Variants in PODNL1 observed in about 807,000 individuals in gnomAD.
PODNL1 encodes the protein podocan like 1.
In PODNL1, 50 loss-of-function variants were observed where a neutral mutation model predicts 45.1. That is an observed-to-expected ratio of 1.11 (90% CI 0.88 to 1.40). The LOEUF (loss-of-function observed/expected upper bound fraction) is 1.40. Ranked by LOEUF, PODNL1 falls within the 40% of genes most tolerant of loss-of-function variation. The pLI is 0.00. For missense variants in PODNL1, 788 were observed against 793.3 expected (o/e 0.99, Z 0.08); for synonymous variants, 406 against 372.5 (o/e 1.09, Z -1.04).
At chr19:13,937,698 C>G (rs1041039407) in intron 2 of PODNL1, 87 bp downstream of exon 2, 2 of 1,268,922 alleles carry the variant, frequency 1.6e-6, no homozygotes, top group African/African-American at 1.5e-5. Flanking sequence ...TACCCCACCA[C>G]GCTCCTCAGC....
At chr19:13,944,703 G>C (rs1016931073) in intron 1 of PODNL1, among the ~76,000 whole-genome samples, 1 of 151,800 alleles carries the variant, frequency 6.6e-6, no homozygotes, top group Non-Finnish European at 1.5e-5. Flanking sequence ...TGATCCGCCC[G>C]CCTTGGCCTT....
chr19:13,948,383 T>G (rs2145465791), intron 1 of PODNL1, among the ~76,000 whole-genome samples: 2 of 149,174 alleles, frequency 1.3e-5, no homozygotes, highest in South Asian at 2.1e-4. Flanking sequence ...TTTTTTTTTT[T>G]TGTATTTTTA....
rs1421957081 is a variant in PODNL1, at chr19:13,938,016, A to C, written c.4-10T>G. 1 of 1,501,784 alleles carries C rather than the reference A, an allele frequency of 6.7e-7. No individual in the cohort carries two copies. The highest frequency in any genetic ancestry group is 1.4e-5 in the African/African-American group (1 of 72,052). The allele number at this position is 1,501,784 out of a possible 1,614,324, so 93.0% of individuals were successfully genotyped here. Reference sequence around the variant, plus strand: ...GCAGCAGGCTCGGCCACTGCGGGGGAGGGAGGGTCAGCGTGTCTCCAGGCT... The same window carrying C: ...GCAGCAGGCTCGGCCACTGCGGGGGCGGGAGGGTCAGCGTGTCTCCAGGCT... On this transcript the variant is annotated splice_polypyrimidine_tract_variant and intron_variant, in intron 1 of 9. Transcript: ENST00000588872.
In PODNL1 at chr19:13,936,010, C is replaced by T; in HGVS notation, c.354G>A (p.Gln118=). ...TGTGAGCCACGCAGAGGTGCTGCAG[C>T]TGGGTGAGGGACTCGAAGGCCTCGT... is the stretch of plus-strand genomic sequence containing the variant. ...LPDEAFESLT[Q]LQHLCVAHNK... Residue 118 remains glutamine (Q), a synonymous_variant, in exon 4 of 10, where the codon CAG becomes CAA. Transcript: ENST00000588872. 4.5e-6 allele frequency: 7 copies of T among 1,552,996 alleles called. No homozygotes were observed. The highest frequency in any genetic ancestry group is 6.1e-6 in the Non-Finnish European group (7 of 1,149,040).
chr19:13,948,727 A>C (rs1027742023), intron 1 of PODNL1, among the ~76,000 whole-genome samples: 30 of 142,674 alleles, frequency 2.1e-4, no homozygotes, highest in Non-Finnish European at 3.8e-4. Context: ...TCAGGAGATC[A>C]AGACCATCCT....
Position 13,932,925 on chromosome 19 carries a change from T to C in PODNL1, c.1298A>G (p.Gln433Arg). 1 of 1,574,342 alleles carries C rather than the reference T, an allele frequency of 6.4e-7. No individual in the cohort carries two copies. Among genetic ancestry groups the C allele is most frequent in the Non-Finnish European group, 8.6e-7 (1 of 1,162,848 alleles). Residue 433 changes from glutamine (Q) to arginine (R), a missense_variant, in exon 8 of 10, where the codon CAG becomes CGG. Gln to Arg is a conservative substitution (Grantham distance 43, BLOSUM62 1). This residue lies in a region of PODNL1 where 762 missense variants were observed against 750.9 expected (regional missense o/e 1.01). Transcript: ENST00000588872. ...AGGCTCGGGCTCGAGCATCCGCAGC[T>C]GGTTGCGTTGCAGCTGCAGGGTGCG... ...GLRTLQLQRN[Q>R]LRMLEPEPLA... is the part of the protein sequence containing the mutation.
In PODNL1 at chr19:13,938,047, C is replaced by A. The variant is rs1271520799; in HGVS notation, c.4-41G>T. 8.9e-6 allele frequency: 13 copies of A among 1,455,946 alleles called. No homozygotes were observed. In the South Asian group the frequency reaches 1.7e-4, roughly 19 times the overall value. The allele number at this position is 1,455,946 out of a possible 1,614,324, so 90.2% of individuals were successfully genotyped here. On this transcript the variant is annotated intron_variant, in intron 1 of 9. Transcript: ENST00000588872. Reference sequence around the variant, plus strand: ...GGTCAGCGTGTCTCCAGGCTGGGCGCAGGGTCGCCATGGTGACTGGAGCAT... The same window carrying A: ...GGTCAGCGTGTCTCCAGGCTGGGCGAAGGGTCGCCATGGTGACTGGAGCAT...
chr19:13,942,766 G>A (rs976066578), upstream of PODNL1, among the ~76,000 whole-genome samples: 1 of 151,692 alleles, frequency 6.6e-6, no homozygotes, highest in Non-Finnish European at 1.5e-5. Context: ...GGCAGATCAT[G>A]TGAGGTTGGG....
intron 3 of PODNL1, 144 bp from the exon 4 acceptor site, chr19:13,936,188 C>T: frequency 1.1e-6 from 1 of 943,244 alleles, no homozygotes; most frequent in Non-Finnish European, 1.6e-6. Context: ...CCCATCCCTA[C>T]TCAAAAGCCA....
In PODNL1 at chr19:13,933,200, C is replaced by T; in HGVS notation, c.1023G>A (p.Gly341=). The change falls in exon 8 of 10, where the codon GGG becomes GGA. Residue 341 remains glycine (G), a synonymous_variant. Coordinates refer to ENST00000588872, the MANE Select transcript of PODNL1 (RefSeq NM_001370095.3). This position sits in a 1 kb window ranked among gnomAD's most constrained non-coding sequence, Gnocchi z 5.2. ...GCAGGGCTGGAGGCACGCGGTCCAG[C>T]CCATTGCCATAGAGGTGCAGCGTGT... ...GLHTLHLYGN[G]LDRVPPALPR... is the part of the protein sequence containing the mutation. 2.6e-6 allele frequency: 4 copies of T among 1,536,928 alleles called. No individual in the cohort carries two copies. Among genetic ancestry groups the T allele is most frequent in the Non-Finnish European group, 3.5e-6 (4 of 1,146,564 alleles).
chr19:13,931,420 T>G lies in PODNL1; in HGVS notation c.*317A>C. 3.5e-6 allele frequency: 1 copy of G among 287,106 alleles called. No homozygotes were observed. The allele number at this position is 287,106 out of a possible 1,614,324, so 17.8% of individuals were successfully genotyped here. On this transcript the variant is annotated 3_prime_UTR_variant, in exon 10 of 10. Coordinates refer to ENST00000588872, the MANE Select transcript of PODNL1 (RefSeq NM_001370095.3). ...TCAGTTTCCCCAGCTGGACTGGTTG[T>G]GGGGAGGAGTCCGTGGACAGAGCCC...
chr19:13,933,164 C>T lies in PODNL1; in HGVS notation c.1059G>A (p.Leu353=). Reference sequence around the variant, plus strand: ...GGTTGTGGGGCAGCACCAGGGCACGCAGGCGGCGGGGCAGGGCTGGAGGCA... The same window carrying T: ...GGTTGTGGGGCAGCACCAGGGCACGTAGGCGGCGGGGCAGGGCTGGAGGCA... ...DRVPPALPRR[L]RALVLPHNHV... The change falls in exon 8 of 10, where the codon CTG becomes CTA. Residue 353 remains leucine, a synonymous_variant. Coordinates refer to ENST00000588872, the MANE Select transcript of PODNL1 (RefSeq NM_001370095.3). The surrounding 1 kb of genome is among the most constrained non-coding windows in gnomAD (Gnocchi z 5.2). 1 of 1,531,858 alleles carries T rather than the reference C, an allele frequency of 6.5e-7. No individual in the cohort carries two copies. Among genetic ancestry groups the T allele is most frequent in the Non-Finnish European group, 8.7e-7 (1 of 1,144,208 alleles). The allele number at this position is 1,531,858 out of a possible 1,614,324, so 94.9% of individuals were successfully genotyped here.
exon 1 of PODNL1, chr19:13,953,355 C>T (rs548082836): frequency 2.4e-5 from 12 of 506,204 alleles, no homozygotes; most frequent in Middle Eastern, 4.4e-4. Context: ...ACAGGGACTG[C>T]GCCTTCTCCG....
chr19:13,932,463 G>A, intron 8 of PODNL1: 1 of 608,226 alleles, frequency 1.6e-6, no homozygotes, highest in Non-Finnish European at 2.7e-6. Context: ...CTGGGCTCAA[G>A]CGATCCTCCT....
chr19:13,931,969 G>A lies in PODNL1; in HGVS notation c.1569C>T (p.Phe523=). ...TCCGGTCACCCTCGGGGCACCTGAG[G>A]AAGAGGGCACGCAGGCGGGGTGTGC... ...FLSTPRLRAL[F]LRANRLHMTS... Residue 523 remains phenylalanine (F), a synonymous_variant, in exon 9 of 10, where the codon TTC becomes TTT. Transcript: ENST00000588872. The A allele has an allele frequency of 8.1e-7, 1 of 1,232,336 alleles. No homozygotes were observed. Among genetic ancestry groups the A allele is most frequent in the African/African-American group, 1.5e-5 (1 of 64,540 alleles). 76.3% of individuals were successfully genotyped at this position (1,232,336 alleles called of 1,614,324 possible).
At chr19:13,941,762 G>A (rs1314248814), upstream of PODNL1, among the ~76,000 whole-genome samples, 6 of 152,104 alleles carry the variant, frequency 3.9e-5, no homozygotes, top group South Asian at 2.1e-4. Flanking sequence ...GCAGTGAGCC[G>A]AGATTGCATC....
chr19:13,936,317 C>T, intron 3 of PODNL1, 50 bp downstream of exon 3: 2 of 1,525,160 alleles, frequency 1.3e-6, no homozygotes, highest in East Asian at 2.3e-5. Context: ...CAGCTGAGAC[C>T]TCGGTCAGTC....
Position 13,953,118 on chromosome 19 carries a change from C to A in PODNL1, c.18+1G>T. On this transcript the variant is annotated splice_donor_variant, in intron 1 of 7. Transcript: ENST00000538371. LOFTEE classifies it high-confidence loss of function. The stretch of plus-strand genomic sequence containing the variant: ...CACACATGAGCTGGGAGTTCCAGTA[C>A]CTGGGTGGGCCTCCCCATTGAAAGT... 1 of 1,549,866 alleles carries A rather than the reference C, an allele frequency of 6.5e-7. No homozygotes were observed. The highest frequency in any genetic ancestry group is 8.7e-7 in the Non-Finnish European group (1 of 1,146,118).
chr19:13,937,794 G>A lies in PODNL1; in HGVS notation c.216C>T (p.Leu72=). 1 of 1,585,328 alleles carries A rather than the reference G, an allele frequency of 6.3e-7. No homozygotes were observed. Among genetic ancestry groups the A allele is most frequent in the Non-Finnish European group, 8.6e-7 (1 of 1,166,972 alleles). Residue 72 remains leucine, a synonymous_variant, in exon 2 of 10, where the codon CTC becomes CTT. Coordinates refer to ENST00000588872, the MANE Select transcript of PODNL1 (RefSeq NM_001370095.3). The part of the protein sequence containing the change: ...PDNITRAAQH[L]SLQNNQLQEL... ...CCTCCGTGGGCCCCACCTGCAGGGA[G>A]AGGTGCTGAGCGGCTCTGGTGATGT...
Sources: allele counts gnomAD v4.1 joint callset (sites outside exome capture counted in the v4.1 genomes callset), GRCh38; gene constraint gnomAD v4.1.1; regional missense constraint gnomAD v4.1.1; non-coding constraint Gnocchi (gnomAD v3.1); transcripts MANE v1.5; gene names NCBI Gene and HGNC (gene_info 2026-07-23, HGNC 2026-07-21).